RPL13: variants seen among roughly 807,000 people sequenced by gnomAD.
RPL13 encodes the protein large ribosomal subunit protein eL13.
In RPL13, 1 loss-of-function variant was observed where a neutral mutation model predicts 21.4. The observed-to-expected ratio is 0.05, with a 90% CI of 0.02 to 0.22. The LOEUF (loss-of-function observed/expected upper bound fraction) is 0.22. RPL13 is among the 10% of genes least tolerant of loss of function. The pLI, the probability that RPL13 is intolerant of heterozygous loss-of-function variation, is 1.00. For synonymous variants in RPL13, 143 were observed against 120.5 expected (o/e 1.19, Z -1.23); for missense variants, 289 against 303.0 (o/e 0.95, Z 0.34).
intron 1 of RPL13, 23 bp from the exon 2 acceptor site, chr16:89,560,917 A>G (rs776467065): frequency 6.5e-7 from 1 of 1,546,352 alleles, no homozygotes; most frequent in Non-Finnish European, 8.7e-7. Context: ...CCGGCCTCTC[A>G]CTCGCTCCCC....
chr16:89,562,798 G>A (rs1382770843), intron 5 of RPL13, 86 bp from the exon 6 acceptor site: 26 of 1,386,118 alleles, frequency 1.9e-5, no homozygotes, highest in Non-Finnish European at 2.4e-5. Context: ...CCCAATCCCC[G>A]GGAGGTCCTC....
Position 89,560,711 on chromosome 16 carries a change from A to T in RPL13, c.-22A>T. On this transcript the variant is annotated splice_region_variant and 5_prime_UTR_variant, in exon 1 of 6. Transcript: ENST00000311528. ...CCGCTCGGCTGTTTTCCTGCGCAGG[A>T]GGTGAGGGAGACTGGGTCCTGGCCT... 1 of 437,518 alleles carries T rather than the reference A, an allele frequency of 2.3e-6. No homozygotes were observed. The highest frequency in any genetic ancestry group is 4.0e-6 in the Non-Finnish European group (1 of 247,482). 27.1% of individuals were successfully genotyped at this position (437,518 alleles called of 1,614,324 possible).
chr16:89,562,754 C>T, intron 5 of RPL13, 130 bp from the exon 6 acceptor site: 2 of 925,044 alleles, frequency 2.2e-6, no homozygotes, highest in Non-Finnish European at 3.1e-6. Flanking sequence ...CTCAGGGTTG[C>T]TTTTCAGCAG....
rs916453825 is a variant in RPL13, at chr16:89,560,721, G to A, written c.-21+9G>A. 4 of 470,196 alleles carry A rather than the reference G, an allele frequency of 8.5e-6. No homozygotes were observed. The highest frequency in any genetic ancestry group is 6.2e-5 in the African/African-American group (3 of 48,186). 29.1% of individuals were successfully genotyped at this position (470,196 alleles called of 1,614,324 possible). A position where few individuals can be genotyped will look rare whatever the true frequency, so the allele number is the denominator to read the frequency against. Reference sequence around the variant, plus strand: ...GTTTTCCTGCGCAGGAGGTGAGGGAGACTGGGTCCTGGCCTTTGGGCATCA... The same window carrying A: ...GTTTTCCTGCGCAGGAGGTGAGGGAAACTGGGTCCTGGCCTTTGGGCATCA... On this transcript the variant is annotated intron_variant, in intron 1 of 5. Coordinates refer to ENST00000311528, the MANE Select transcript of RPL13 (RefSeq NM_000977.4).
In RPL13 at chr16:89,560,969, A is replaced by T; in HGVS notation, c.10A>T (p.Ser4Cys). Residue 4 changes from serine to cysteine, a missense_variant, in exon 2 of 6, where the codon AGC (serine) becomes TGC (cysteine). Ser to Cys is a moderately radical substitution (Grantham distance 112, BLOSUM62 -1). Coordinates refer to ENST00000311528, the MANE Select transcript of RPL13 (RefSeq NM_000977.4). ...AGGGCCGTAGGCAGCCATGGCGCCC[A>T]GCCGGAATGGCATGGTCTTGAAGCC... is the stretch of plus-strand genomic sequence containing the variant. MAP[S>C]RNGMVLKPHF... 1.2e-6 allele frequency: 2 copies of T among 1,604,186 alleles called. No homozygotes were observed. The highest frequency in any genetic ancestry group is 1.7e-6 in the Non-Finnish European group (2 of 1,177,430).
In RPL13 at chr16:89,561,640, G is replaced by A. The variant is rs138372665; in HGVS notation, c.309G>A (p.Arg103=). The A allele has an allele frequency of 2.0e-4, 326 of 1,613,856 alleles. No homozygotes were observed. In the African/African-American group the frequency reaches 3.5e-3, roughly 18 times the overall value. Residue 103 remains arginine (R), a synonymous_variant, in exon 4 of 6, where the codon CGG becomes CGA. Coordinates refer to ENST00000311528, the MANE Select transcript of RPL13 (RefSeq NM_000977.4). ...GCATTTCTGTGGATCCGAGGAGGCG[G>A]AACAAGTCCACGGAGTCCCTGCAGG... ...TIGISVDPRR[R]NKSTESLQAN...
At chr16:89,561,530 C>T (rs1406589447) in intron 3 of RPL13, 48 bp from the exon 4 acceptor site, 2 of 1,612,832 alleles carry the variant, frequency 1.2e-6, no homozygotes, top group Admixed American at 3.3e-5. Context: ...GGCCTCGGGG[C>T]TGGAGAAAGC....
At position 89,563,053 on chromosome 16, in the gene RPL13, G is replaced by C; in HGVS notation, c.*11G>C. 6.7e-7 allele frequency: 1 copy of C among 1,497,656 alleles called. No individual in the cohort carries two copies. Among genetic ancestry groups the C allele is most frequent in the South Asian group, 1.3e-5 (1 of 76,200 alleles). 92.8% of individuals were successfully genotyped at this position (1,497,656 alleles called of 1,614,324 possible). On this transcript the variant is annotated 3_prime_UTR_variant, in exon 6 of 6. Transcript: ENST00000311528. ...GAAAAGAAAAAATAAAGCCCTCCTG[G>C]GGACTTGGAATCAGTCGGCAGTCAT...
intron 4 of RPL13, 145 bp from the exon 5 acceptor site, chr16:89,562,190 A>T: frequency 1.4e-6 from 1 of 739,024 alleles, no homozygotes; most frequent in Non-Finnish European, 2.3e-6. Context: ...TGTTCTTAAC[A>T]TTGGGGCCAC....
chr16:89,561,101 C>T, intron 2 of RPL13, 38 bp downstream of exon 2: 2 of 1,568,120 alleles, frequency 1.3e-6, no homozygotes, highest in Non-Finnish European at 1.7e-6. Flanking sequence ...GGGGCTCGTG[C>T]CCGCGGCTGC....
rs751238922 is a variant in RPL13 at position 89,561,761 on chromosome 16, C to G, written c.420+10C>G. The G allele has an allele frequency of 6.8e-6, 11 of 1,610,262 alleles. No individual in the cohort carries two copies. Among genetic ancestry groups the G allele is most frequent in the Non-Finnish European group, 9.3e-6 (11 of 1,177,324 alleles). ...GAAGGGAGACAGTTCTGTGAGTACACGGCTCTCTGGCCGTCCTGGTGCGCG... is the reference window on the plus strand; with the variant it reads ...GAAGGGAGACAGTTCTGTGAGTACAGGGCTCTCTGGCCGTCCTGGTGCGCG... On this transcript the variant is annotated intron_variant, in intron 4 of 5. Coordinates refer to ENST00000311528, the MANE Select transcript of RPL13 (RefSeq NM_000977.4).
Position 89,564,464 on chromosome 16 carries a change from C to G in RPL13, c.*1422C>G, listed in dbSNP as rs528587314. The G allele has an allele frequency of 2.6e-5, 4 of 152,312 alleles. No individual in the cohort carries two copies. The South Asian group carries it at 8.3e-4, about 32-fold the overall frequency. The allele number at this position is 152,312 out of a possible 1,614,324, so 9.4% of individuals were successfully genotyped here. On this transcript the variant is annotated 3_prime_UTR_variant, in exon 6 of 6. Coordinates refer to ENST00000311528, the MANE Select transcript of RPL13 (RefSeq NM_000977.4). ...GTGGCTCACGCCTGTAATCCTAACA[C>G]TGGGAGGCCGAGGCGGGTGGATCAC...
Position 89,563,692 on chromosome 16 carries a change from G to A in RPL13, c.*650G>A, listed in dbSNP as rs1277246798. The A allele has an allele frequency of 6.6e-6, 1 of 152,256 alleles. No homozygotes were observed. The highest frequency in any genetic ancestry group is 2.4e-5 in the African/African-American group (1 of 41,440). 9.4% of individuals were successfully genotyped at this position (152,256 alleles called of 1,614,324 possible). A position where few individuals can be genotyped will look rare whatever the true frequency, so the allele number is the denominator to read the frequency against. ...CAGTCCTCCCTCAGCCTCCCAAGTA[G>A]AGGGGTTTATAGGCACGAGACCCTG... On this transcript the variant is annotated 3_prime_UTR_variant, in exon 6 of 6. Transcript: ENST00000311528.
In RPL13 at chr16:89,564,072, T is replaced by G. The variant is rs930098868; in HGVS notation, c.*1030T>G. 1 of 152,260 alleles carries G rather than the reference T, an allele frequency of 6.6e-6. No individual in the cohort carries two copies. The allele number at this position is 152,260 out of a possible 1,614,324, so 9.4% of individuals were successfully genotyped here. ...AGTGCTCAGACACAGCCTGCCCTAG[T>G]CCTACCAGCTCACAGCAGCACCTGC... On this transcript the variant is annotated 3_prime_UTR_variant, in exon 6 of 6. Transcript: ENST00000311528.
rs1316300206 is a variant in RPL13, at chr16:89,560,686, C to T, written c.-47C>T. On this transcript the variant is annotated 5_prime_UTR_variant, in exon 1 of 6. Coordinates refer to ENST00000311528, the MANE Select transcript of RPL13 (RefSeq NM_000977.4). The stretch of plus-strand genomic sequence containing the variant: ...AGTGCATTGCGGGGCCGCTTCCTTT[C>T]CGCTCGGCTGTTTTCCTGCGCAGGA... 1 of 383,592 alleles carries T rather than the reference C, an allele frequency of 2.6e-6. No individual in the cohort carries two copies. The allele number at this position is 383,592 out of a possible 1,614,324, so 23.8% of individuals were successfully genotyped here.
chr16:89,561,824 G>C (rs1384706990), intron 4 of RPL13, 73 bp downstream of exon 4: 2 of 1,518,150 alleles, frequency 1.3e-6, no homozygotes, highest in Admixed American at 3.7e-5. Context: ...AGTGACACCG[G>C]TCCCTGGGTC....
rs1431930696 is a variant in RPL13, at chr16:89,561,384, G to T, written c.246+16G>T. 1.2e-6 allele frequency: 2 copies of T among 1,610,342 alleles called. No homozygotes were observed. The highest frequency in any genetic ancestry group is 2.2e-5 in the South Asian group (2 of 91,058). On this transcript the variant is annotated intron_variant, in intron 3 of 5. Transcript: ENST00000311528. ...GGAGCTCAGGGTGAGTACTGGCAGC[G>T]CTGCGGTGTCAGGAAGGCCCCGAAG...
rs28412716 is a variant in RPL13, at chr16:89,560,734, C to T, written c.-21+22C>T. ...GGAGGTGAGGGAGACTGGGTCCTGG[C>T]CTTTGGGCATCATCCAGCGCCATCG... On this transcript the variant is annotated intron_variant, in intron 1 of 5. Transcript: ENST00000311528. 841 of 504,214 alleles carry T rather than the reference C, an allele frequency of 1.7e-3. 8 individuals carry two copies. Among genetic ancestry groups the T allele is most frequent in the African/African-American group, 0.016 (757 of 48,514 alleles). 31.2% of individuals were successfully genotyped at this position (504,214 alleles called of 1,614,324 possible). A position where few individuals can be genotyped will look rare whatever the true frequency, so the allele number is the denominator to read the frequency against.
Position 89,560,940 on chromosome 16 carries a change from C to T in RPL13, c.-20C>T, listed in dbSNP as rs753041211. 9 of 1,592,972 alleles carry T rather than the reference C, an allele frequency of 5.6e-6. No individual in the cohort carries two copies. The African/African-American group carries it at 8.2e-5, about 15-fold the overall frequency. On this transcript the variant is annotated splice_region_variant and 5_prime_UTR_variant, in exon 2 of 6. Coordinates refer to ENST00000311528, the MANE Select transcript of RPL13 (RefSeq NM_000977.4). ...TCACTCGCTCCCCTCTCGTCCGCAG[C>T]CGCAGGGCCGTAGGCAGCCATGGCG...
Sources: gnomAD v4.1 joint callset for allele counts on GRCh38, gnomAD v4.1.1 for gene constraint, MANE v1.5 for transcripts, NCBI Gene and HGNC (gene_info 2026-07-23, HGNC 2026-07-21) for gene names.